The following KDM2B variants were observed in gnomAD, a reference collection of about 807,000 sequenced individuals.
The protein encoded by KDM2B is lysine-specific demethylase 2B.
In KDM2B, 26 loss-of-function variants were observed where a neutral mutation model predicts 150.0. The observed-to-expected ratio is 0.17, with a 90% CI of 0.13 to 0.24. KDM2B has a LOEUF of 0.24. Ranked by LOEUF, KDM2B falls within the 10% of genes least tolerant of loss-of-function variation. The pLI is 1.00. For synonymous variants in KDM2B, 734 were observed against 729.5 expected (o/e 1.01, Z -0.10); for missense variants, 1,265 against 1,816.9 (o/e 0.70, Z 5.52).
chr12:121,479,710 C>T (rs1881867372), intron 12 of KDM2B, among the ~76,000 whole-genome samples: 1 of 152,066 alleles, frequency 6.6e-6, no homozygotes, highest in African/African-American at 2.4e-5. Flanking sequence ...CAACCTCCGA[C>T]TCCCAAGTTC....
intron 3 of KDM2B, 63 bp from the exon 4 acceptor site, chr12:121,574,656 G>T: frequency 6.8e-7 from 1 of 1,475,152 alleles, no homozygotes; most frequent in South Asian, 1.2e-5. Flanking sequence ...AGACTACCCT[G>T]GGCCCGGGGG....
rs781848999 is a variant in KDM2B, at chr12:121,445,424, G to C, written c.1960-6C>G. On this transcript the variant is annotated splice_region_variant and splice_polypyrimidine_tract_variant and intron_variant, in intron 13 of 22. Transcript: ENST00000377071. ...GCGGTGTGGGGCAGCACTGGCTGAG[G>C]AGCCAGGGAGAACAAGACAAGTCAT... 4 of 1,585,710 alleles carry C rather than the reference G, an allele frequency of 2.5e-6. No individual in the cohort carries two copies. In the Admixed American group the frequency reaches 7.1e-5, roughly 28 times the overall value.
intron 12 of KDM2B, among the ~76,000 whole-genome samples, chr12:121,471,869 C>T (rs1880805130): frequency 6.6e-6 from 1 of 152,196 alleles, no homozygotes; most frequent in Non-Finnish European, 1.5e-5. Context: ...AGAAGTGACC[C>T]ATGCCTGTAA....
In KDM2B at chr12:121,468,660, A is replaced by T. The variant is rs1293484036; in HGVS notation, c.1735-15316T>A. ...GTCCAGGCCACTGGCCACGAAATCCAGTGAGAACAGAAGGGATGGGCAGGC... is the reference window on the plus strand; with the variant it reads ...GTCCAGGCCACTGGCCACGAAATCCTGTGAGAACAGAAGGGATGGGCAGGC... On this transcript the variant is annotated intron_variant, in intron 12 of 22. Coordinates refer to ENST00000377071, the MANE Select transcript of KDM2B (RefSeq NM_032590.5). This position sits in a 1 kb window ranked among gnomAD's most constrained non-coding sequence, Gnocchi z 4.0. The T allele has an allele frequency of 1.3e-5, 2 of 152,260 alleles. No individual in the cohort carries two copies. The highest frequency in any genetic ancestry group is 1.9e-4 in the East Asian group (1 of 5,198). The allele number at this position is 152,260 out of a possible 1,614,324, so 9.4% of individuals were successfully genotyped here.
At position 121,452,119 on chromosome 12, in the gene KDM2B, A is replaced by T. The variant is rs928686027; in HGVS notation, c.1959+1001T>A. Among the ~76,000 whole-genome samples, 5 of 152,070 alleles carry T rather than the reference A, an allele frequency of 3.3e-5. No homozygotes were observed. Among genetic ancestry groups the T allele is most frequent in the African/African-American group, 1.2e-4 (5 of 41,410 alleles). On this transcript the variant is annotated intron_variant, in intron 13 of 22. Coordinates refer to ENST00000377071, the MANE Select transcript of KDM2B (RefSeq NM_032590.5). The surrounding 1 kb of genome is among the most constrained non-coding windows in gnomAD (Gnocchi z 4.4). ...AGAGGAGTCAAGCTCTTAGAAACTGAAAGTGGAATGGTGGTTGCCCGGGCT... is the reference window on the plus strand; with the variant it reads ...AGAGGAGTCAAGCTCTTAGAAACTGTAAGTGGAATGGTGGTTGCCCGGGCT...
intron 4 of KDM2B, among the ~76,000 whole-genome samples, chr12:121,568,155 A>G (rs1555315307): frequency 6.6e-6 from 1 of 152,180 alleles, no homozygotes; most frequent in Non-Finnish European, 1.5e-5. Context: ...ACCTGATGAG[A>G]CATTTCAGAA....
At chr12:121,554,371 C>T (rs1889743972) in intron 4 of KDM2B, among the ~76,000 whole-genome samples, 2 of 151,578 alleles carry the variant, frequency 1.3e-5, no homozygotes, top group African/African-American at 2.4e-5. Flanking sequence ...AAATGTATAC[C>T]TTGTATATAT....
At chr12:121,506,308 T>C (rs1433101470) in intron 11 of KDM2B, among the ~76,000 whole-genome samples, 2 of 152,152 alleles carry the variant, frequency 1.3e-5, no homozygotes, top group Non-Finnish European at 2.9e-5. Context: ...CAAAATCTTT[T>C]CTGGGTCTCC....
chr12:121,425,423 A>G (rs1469575419), downstream of KDM2B, among the ~76,000 whole-genome samples: 1 of 152,028 alleles, frequency 6.6e-6, no homozygotes, highest in Non-Finnish European at 1.5e-5. Flanking sequence ...CTGTCATTTC[A>G]GTGCAGCTGG....
intron 4 of KDM2B, among the ~76,000 whole-genome samples, chr12:121,557,723 G>A (rs1204769707): frequency 6.6e-6 from 1 of 152,196 alleles, no homozygotes; most frequent in Non-Finnish European, 1.5e-5. Context: ...TAGCCCTACA[G>A]ACACCCTTAA....
chr12:121,501,586 T>C (rs956151229), intron 11 of KDM2B, among the ~76,000 whole-genome samples: 1 of 152,060 alleles, frequency 6.6e-6, no homozygotes, highest in African/African-American at 2.4e-5. Context: ...CCCAGGACTA[T>C]TAAATAACAT....
chr12:121,423,147 G>A, the KDM2B span, among the ~76,000 whole-genome samples: 51 of 152,328 alleles, frequency 3.3e-4, no homozygotes, highest in Non-Finnish European at 5.7e-4. The surrounding 1 kb of genome is among the most constrained non-coding windows in gnomAD (Gnocchi z 4.3). Flanking sequence ...GCTAACATTT[G>A]TTGGGTACGT....
At chr12:121,494,292 A>C in intron 12 of KDM2B, 2 of 375,304 alleles carry the variant, frequency 5.3e-6, no homozygotes, top group East Asian at 5.6e-5. Context: ...GAGTGAGGGA[A>C]GGAGAGACAG....
chr12:121,533,651 G>A lies in KDM2B; in HGVS notation c.778-692C>T, dbSNP rs1555308213. ...GGCAGGAGCTGAGATGACAGCCAGA[G>A]AAGATGAATGCTGGACGTTCTCGAG... On this transcript the variant is annotated intron_variant, in intron 7 of 22. Coordinates refer to ENST00000377071, the MANE Select transcript of KDM2B (RefSeq NM_032590.5). This position sits in a 1 kb window ranked among gnomAD's most constrained non-coding sequence, Gnocchi z 4.1. Among the ~76,000 whole-genome samples the A allele has an allele frequency of 6.6e-6, 1 of 152,226 alleles. No homozygotes were observed. Among genetic ancestry groups the A allele is most frequent in the Non-Finnish European group, 1.5e-5 (1 of 68,042 alleles).
chr12:121,528,495 G>A (rs1309279463), intron 8 of KDM2B, among the ~76,000 whole-genome samples: 1 of 152,058 alleles, frequency 6.6e-6, no homozygotes, highest in Non-Finnish European at 1.5e-5. Context: ...GGAGGTGGAG[G>A]TTGCAGTGAG....
intron 4 of KDM2B, among the ~76,000 whole-genome samples, chr12:121,568,962 G>A (rs2136410766): frequency 6.6e-6 from 1 of 151,894 alleles, no homozygotes; most frequent in African/African-American, 2.4e-5. Context: ...GCAGCCCCGA[G>A]TTGTGTCCTG....
At chr12:121,515,769 CG>C (rs1297108357) in intron 9 of KDM2B, among the ~76,000 whole-genome samples, 1 of 151,864 alleles carries the variant, frequency 6.6e-6, no homozygotes, top group African/African-American at 2.4e-5. Flanking sequence ...CTCCTCTCTC[CG>C]CCTGCACACT....
At chr12:121,553,269 C>G (rs180722207) in intron 4 of KDM2B, among the ~76,000 whole-genome samples, 5 of 151,920 alleles carry the variant, frequency 3.3e-5, no homozygotes, top group African/African-American at 9.6e-5. Context: ...GTACCCTCCC[C>G]ACTCTCGCTC....
chr12:121,415,577 C>G, the KDM2B span, among the ~76,000 whole-genome samples: 1 of 152,010 alleles, frequency 6.6e-6, no homozygotes, highest in Non-Finnish European at 1.5e-5. Flanking sequence ...GATTGCGCCA[C>G]TGTACTCCAG....
Sources: allele counts gnomAD v4.1 joint callset (sites outside exome capture counted in the v4.1 genomes callset), GRCh38; gene constraint gnomAD v4.1.1; non-coding constraint Gnocchi (gnomAD v3.1); transcripts MANE v1.5; gene names NCBI Gene and HGNC (gene_info 2026-07-23, HGNC 2026-07-21).